Variants in TRPM7 observed in about 807,000 individuals in gnomAD.
The protein encoded by TRPM7 is LTRPC ion channel family member 7.
In TRPM7, 134 loss-of-function variants were observed where a neutral mutation model predicts 229.7. The ratio of observed to expected loss-of-function variants is 0.58; its 90% CI spans 0.51 to 0.67. The LOEUF is 0.67. Ranked by LOEUF, TRPM7 falls within the 30% of genes least tolerant of loss-of-function variation. The probability of loss-of-function intolerance (pLI) is 0.00; values close to 1 mark genes in which losing one functional copy is unlikely to be tolerated. For synonymous variants in TRPM7, 699 were observed against 715.2 expected, an observed-to-expected ratio of 0.98 and a Z score of 0.36; for missense variants, 1,901 against 2,210.0, an observed-to-expected ratio of 0.86 and a Z score of 2.80.
In TRPM7 at chr15:50,604,910, C is replaced by T; in HGVS notation, c.2944G>A (p.Val982Ile). ...WYVRLLDFLAVNQQAGPYVMM... is the reference protein window; with the variant it reads ...WYVRLLDFLAINQQAGPYVMM... ...ACATAAGGTCCTGCCTGTTGATTTA[C>T]AGCTAGAAAATCTAGCAAACGCACA... The change falls in exon 21 of 39, where the codon GTA becomes ATA. Residue 982 changes from valine (V) to isoleucine (I), a missense_variant. Physicochemically the swap from Val to Ile is conservative, Grantham distance 29. Coordinates refer to ENST00000646667, the MANE Select transcript of TRPM7 (RefSeq NM_017672.6). 6.2e-7 allele frequency: 1 copy of T among 1,611,264 alleles called. No homozygotes were observed. Among genetic ancestry groups the T allele is most frequent in the Non-Finnish European group, 8.5e-7 (1 of 1,178,606 alleles).
At chr15:50,565,740 A>G (rs2053569490) in intron 38 of TRPM7, among the ~76,000 whole-genome samples, 1 of 152,188 alleles carries the variant, frequency 6.6e-6, no homozygotes, top group Non-Finnish European at 1.5e-5. Flanking sequence ...ACTTTAATTA[A>G]TATTTACAGA....
chr15:50,632,854 C>A lies in TRPM7; in HGVS notation c.1131+15G>T. On this transcript the variant is annotated intron_variant, in intron 9 of 38. Transcript: ENST00000646667. ...GGCCTATCAGCTTTTTAAATTTCTGCTGAAATCTACTTACAAGCTCCTTTC... is the reference window on the plus strand; with the variant it reads ...GGCCTATCAGCTTTTTAAATTTCTGATGAAATCTACTTACAAGCTCCTTTC... 1 of 1,504,394 alleles carries A rather than the reference C, an allele frequency of 6.6e-7. No homozygotes were observed. Among genetic ancestry groups the A allele is most frequent in the Non-Finnish European group, 8.8e-7 (1 of 1,133,610 alleles). 93.2% of individuals were successfully genotyped at this position (1,504,394 alleles called of 1,614,324 possible).
intron 26 of TRPM7, among the ~76,000 whole-genome samples, chr15:50,590,163 T>G (rs749636203): frequency 6.6e-6 from 1 of 152,002 alleles, no homozygotes; most frequent in East Asian, 1.9e-4. Flanking sequence ...GCCAAGATTA[T>G]AGTTAAGTTT....
At chr15:50,620,485 T>G (rs1449957859) in intron 12 of TRPM7, among the ~76,000 whole-genome samples, 3 of 152,178 alleles carry the variant, frequency 2.0e-5, no homozygotes, top group African/African-American at 7.2e-5. Flanking sequence ...TATATACTGT[T>G]AGAGTGGGCC....
intron 3 of TRPM7, among the ~76,000 whole-genome samples, chr15:50,652,923 A>C (rs1016680093): frequency 3.9e-5 from 6 of 152,200 alleles, no homozygotes; most frequent in African/African-American, 1.4e-4. Context: ...GCACTTTGAG[A>C]GGCCAAAGTG....
At chr15:50,682,582 A>C (rs2062267611) in intron 1 of TRPM7, among the ~76,000 whole-genome samples, 1 of 152,176 alleles carries the variant, frequency 6.6e-6, no homozygotes, top group South Asian at 2.1e-4. Flanking sequence ...ATCTCAAAAA[A>C]AAAAAAAAAA....
intron 1 of TRPM7, among the ~76,000 whole-genome samples, chr15:50,685,872 C>G (rs2062348263): frequency 6.6e-6 from 1 of 152,172 alleles, no homozygotes; most frequent in African/African-American, 2.4e-5. Flanking sequence ...TCCTGACTGA[C>G]AGTACATTGT....
rs747853767 is a variant in TRPM7, at chr15:50,592,496, T to A, written c.3739A>T (p.Lys1247Ter). 1.2e-6 allele frequency: 2 copies of A among 1,614,142 alleles called. No individual in the cohort carries two copies. Among genetic ancestry groups the A allele is most frequent in the Non-Finnish European group, 1.7e-6 (2 of 1,180,038 alleles). The stretch of plus-strand genomic sequence containing the variant: ...GACGCTTTCTGGGCAGTGAGTGTTT[T>A]TAATGTATCTACCGTCAGGGCTGAA... The part of the protein sequence containing the change: ...DLSALTVDTL[K>*]TLTAQKASEA... Residue 1247 changes from lysine (K) to a stop codon, truncating the protein, a stop_gained, in exon 26 of 39, where the codon AAA (lysine) becomes TAA (stop). Transcript: ENST00000646667. LOFTEE classifies it high-confidence loss of function.
intron 11 of TRPM7, among the ~76,000 whole-genome samples, chr15:50,625,367 T>C (rs2060525698): frequency 6.6e-6 from 1 of 152,184 alleles, no homozygotes; most frequent in Non-Finnish European, 1.5e-5. Flanking sequence ...TTCTCCAATC[T>C]ATCTTCGATT....
chr15:50,660,821 A>G (rs1052894870), intron 2 of TRPM7, among the ~76,000 whole-genome samples: 2 of 152,110 alleles, frequency 1.3e-5, no homozygotes, highest in Non-Finnish European at 2.9e-5. Flanking sequence ...CTAAGGGGGG[A>G]AAATCTTAAA....
chr15:50,655,963 T>A (rs2061554744), intron 3 of TRPM7, among the ~76,000 whole-genome samples: 1 of 148,710 alleles, frequency 6.7e-6, no homozygotes, highest in African/African-American at 2.5e-5. Flanking sequence ...GTATGCCATC[T>A]AGCCTGGGCA....
At chr15:50,680,242 T>G (rs1446082196) in intron 1 of TRPM7, among the ~76,000 whole-genome samples, 1 of 150,114 alleles carries the variant, frequency 6.7e-6, no homozygotes, top group Non-Finnish European at 1.5e-5. Flanking sequence ...TCAAAAAATA[T>G]AAAAATAAAA....
rs747422556 is a variant in TRPM7 at position 50,575,933 on chromosome 15, T to A, written c.4619-14A>T. Reference sequence around the variant, plus strand: ...GAGAAGTGAGACCTAGAATGGCAAATAAACAAACGAGACCATTTAAAAAGT... The same window carrying A: ...GAGAAGTGAGACCTAGAATGGCAAAAAAACAAACGAGACCATTTAAAAAGT... On this transcript the variant is annotated splice_polypyrimidine_tract_variant and intron_variant, in intron 31 of 38. Transcript: ENST00000646667. The A allele has an allele frequency of 1.2e-5, 19 of 1,612,098 alleles. No homozygotes were observed. In the African/African-American group the frequency reaches 2.4e-4, roughly 20 times the overall value.
At chr15:50,649,038 T>C (rs2061345506) in intron 3 of TRPM7, among the ~76,000 whole-genome samples, 153 bp from the exon 4 acceptor site, 1 of 152,190 alleles carries the variant, frequency 6.6e-6, no homozygotes, top group African/African-American at 2.4e-5. Context: ...AGGATATCTA[T>C]ATATTAATAC....
At chr15:50,677,146 C>T (rs2062111380) in intron 1 of TRPM7, among the ~76,000 whole-genome samples, 1 of 152,120 alleles carries the variant, frequency 6.6e-6, no homozygotes, top group East Asian at 1.9e-4. Flanking sequence ...TCCAGGAGGG[C>T]CAGTGTCTGA....
intron 19 of TRPM7, 80 bp from the exon 20 acceptor site, chr15:50,607,408 C>A (rs1015444720): frequency 5.8e-6 from 7 of 1,216,174 alleles, no homozygotes; most frequent in South Asian, 1.7e-5. Flanking sequence ...CAAACACACA[C>A]AAAAACAGAC....
chr15:50,609,500 A>T, intron 19 of TRPM7, 81 bp downstream of exon 19: 1 of 1,332,374 alleles, frequency 7.5e-7, no homozygotes, highest in African/African-American at 1.5e-5. Context: ...AGTTATATCA[A>T]CATTAGTATG....
chr15:50,610,994 A>G (rs1427551044), intron 17 of TRPM7, 99 bp downstream of exon 17: 1 of 898,948 alleles, frequency 1.1e-6, no homozygotes, highest in East Asian at 2.6e-5. Context: ...CCCCACCATT[A>G]CACTCACACA....
chr15:50,628,125 T>C, intron 11 of TRPM7, 24 bp downstream of exon 11: 2 of 1,468,668 alleles, frequency 1.4e-6, no homozygotes, highest in East Asian at 4.5e-5. Flanking sequence ...TTAATTGTAT[T>C]GTGTATGTAG....
Sources: gnomAD v4.1 joint callset for allele counts (sites outside exome capture counted in the v4.1 genomes callset) on GRCh38, gnomAD v4.1.1 for gene constraint, MANE v1.5 for transcripts, NCBI Gene and HGNC (gene_info 2026-07-23, HGNC 2026-07-21) for gene names.